The following NYAP2 variants were observed in gnomAD, a reference collection of about 807,000 sequenced individuals.
NYAP2 encodes the protein neuronal tyrosine-phosphorylated phosphoinositide-3-kinase adaptor 2, also known as neuronal tyrosine-phosphorylated phosphoinositide-3-kinase adapter 2.
Under a neutral mutation model 50.4 loss-of-function variants are expected in NYAP2, and 23 were observed. The observed-to-expected ratio is 0.46, with a 90% CI of 0.33 to 0.65. NYAP2 has a LOEUF of 0.65. NYAP2 is among the 30% of genes least tolerant of loss of function. The probability of loss-of-function intolerance (pLI) is 0.02; values close to 1 mark genes in which losing one functional copy is unlikely to be tolerated. For synonymous variants in NYAP2, 394 were observed against 365.2 expected (o/e 1.08, Z -0.90); for missense variants, 885 against 861.0 (o/e 1.03, Z -0.35).
the NYAP2 span, among the ~76,000 whole-genome samples, chr2:225,697,753 A>C: frequency 6.6e-6 from 1 of 151,996 alleles, no homozygotes; most frequent in Non-Finnish European, 1.5e-5. Flanking sequence ...AACTTTCAGA[A>C]CATATTGAAA....
exon 7 of NYAP2, chr2:225,652,888 A>G (rs1425676021): frequency 2.0e-5 from 3 of 152,252 alleles, no homozygotes; most frequent in African/African-American, 7.2e-5. Context: ...ATTTATAAAT[A>G]TATGAGGTAT....
rs187925106 is a variant in NYAP2 at position 225,474,923 on chromosome 2, T to A, written c.222-38448T>A. Among the ~76,000 whole-genome samples the A allele has an allele frequency of 2.4e-3, 358 of 152,324 alleles. 2 individuals are homozygous for A. Among genetic ancestry groups the A allele is most frequent in the African/African-American group, 8.1e-3 (338 of 41,584 alleles). ...TTCAAAACATCACCTGTTACAGAAG[T>A]TTGTTATTTTCTGAATATATGTACA... On this transcript the variant is annotated intron_variant, in intron 3 of 6. Coordinates refer to ENST00000636099, the Ensembl canonical transcript of NYAP2.
At chr2:225,650,625 C>T (rs980341948) in intron 6 of NYAP2, among the ~76,000 whole-genome samples, 3 of 152,200 alleles carry the variant, frequency 2.0e-5, no homozygotes, top group African/African-American at 7.2e-5. Flanking sequence ...CTGGAATGTA[C>T]TAGGCACTCA....
chr2:225,501,705 G>A (rs932344189), intron 3 of NYAP2, among the ~76,000 whole-genome samples: 1 of 152,124 alleles, frequency 6.6e-6, no homozygotes, highest in Admixed American at 6.5e-5. Context: ...TCCAATGAGA[G>A]CTTGAAAATG....
chr2:225,598,770 T>G (rs1036419268), intron 5 of NYAP2, among the ~76,000 whole-genome samples: 3 of 152,232 alleles, frequency 2.0e-5, no homozygotes, highest in African/African-American at 7.2e-5. Flanking sequence ...TTTCTCATTT[T>G]TCAAAATTAA....
At chr2:225,611,795 G>A (rs918966565) in intron 5 of NYAP2, among the ~76,000 whole-genome samples, 2 of 151,442 alleles carry the variant, frequency 1.3e-5, no homozygotes, top group Non-Finnish European at 2.9e-5. Context: ...CATTCAAAAT[G>A]TCTAGACAGA....
the NYAP2 span, among the ~76,000 whole-genome samples, chr2:225,684,812 A>G: frequency 6.6e-6 from 1 of 152,122 alleles, no homozygotes; most frequent in Admixed American, 6.5e-5. Flanking sequence ...CGGCCTCCCA[A>G]AGTGCTGGGA....
chr2:225,534,028 G>A (rs564514786), intron 4 of NYAP2, among the ~76,000 whole-genome samples: 6 of 152,094 alleles, frequency 3.9e-5, no homozygotes, highest in Admixed American at 2.6e-4. Context: ...TGGCTTGACA[G>A]GGAATACAAG....
chr2:225,466,727 C>T lies in NYAP2; in HGVS notation c.222-46644C>T, dbSNP rs145437869. Among the ~76,000 whole-genome samples, 23 of 152,310 alleles carry T rather than the reference C, an allele frequency of 1.5e-4. No individual in the cohort carries two copies. The East Asian group carries it at 4.4e-3, about 29-fold the overall frequency. ...AAGGTAAGTCAAGATGGTATCTAAACAATTCTGATCAGCCAGATATCTGGA... is the reference window on the plus strand; with the variant it reads ...AAGGTAAGTCAAGATGGTATCTAAATAATTCTGATCAGCCAGATATCTGGA... On this transcript the variant is annotated intron_variant, in intron 3 of 6. Coordinates refer to ENST00000636099, the Ensembl canonical transcript of NYAP2.
At chr2:225,675,778 T>C in the NYAP2 span, among the ~76,000 whole-genome samples, 1 of 152,132 alleles carries the variant, frequency 6.6e-6, no homozygotes, top group Non-Finnish European at 1.5e-5. Context: ...ATAAGCATTC[T>C]CTTTTCTCTG....
At chr2:225,600,139 G>A (rs1692669999) in intron 5 of NYAP2, among the ~76,000 whole-genome samples, 1 of 152,236 alleles carries the variant, frequency 6.6e-6, no homozygotes, top group Non-Finnish European at 1.5e-5. Flanking sequence ...CTTGGTGGGT[G>A]GTGGGCAGCC....
chr2:225,652,799 A>G (rs1693758463), exon 7 of NYAP2: 1 of 152,238 alleles, frequency 6.6e-6, no homozygotes, highest in African/African-American at 2.4e-5. Context: ...ATAACTAAGT[A>G]GAATAATTGC....
intron 6 of NYAP2, among the ~76,000 whole-genome samples, chr2:225,640,029 C>T (rs756477707): frequency 5.9e-5 from 9 of 152,104 alleles, no homozygotes; most frequent in Non-Finnish European, 1.0e-4. Flanking sequence ...ATCCATGACT[C>T]GGGTCTTACC....
intron 3 of NYAP2, among the ~76,000 whole-genome samples, chr2:225,414,625 A>G (rs373166263): frequency 6.6e-6 from 1 of 152,132 alleles, no homozygotes; most frequent in African/African-American, 2.4e-5. Flanking sequence ...CAACGAGAAC[A>G]GAGTCCGGCC....
intron 5 of NYAP2, among the ~76,000 whole-genome samples, chr2:225,619,659 A>G (rs1693055087): frequency 6.6e-6 from 1 of 152,200 alleles, no homozygotes; most frequent in African/African-American, 2.4e-5. Flanking sequence ...CCAGAGAGAC[A>G]GAAGTAGACC....
At position 225,582,940 on chromosome 2, in the gene NYAP2, C is replaced by T. The variant is rs1257184743; in HGVS notation, c.1523C>T (p.Thr508Met). The T allele has an allele frequency of 1.2e-6, 2 of 1,612,696 alleles. No individual in the cohort carries two copies. Among genetic ancestry groups the T allele is most frequent in the Non-Finnish European group, 1.7e-6 (2 of 1,179,772 alleles). ...GGTGGCTCCCGGTCCCGGACACCCA[C>T]GAGCCCGCTGGAGGAGCTGACCAGC... Residue 508 changes from threonine (T) to methionine (M), a missense_variant, in exon 5 of 7, where the codon ACG becomes ATG. Coordinates refer to ENST00000636099, the Ensembl canonical transcript of NYAP2. This position sits in a 1 kb window ranked among gnomAD's most constrained non-coding sequence, Gnocchi z 7.0.
At chr2:225,688,974 C>T in the NYAP2 span, among the ~76,000 whole-genome samples, 1 of 152,138 alleles carries the variant, frequency 6.6e-6, no homozygotes, top group Non-Finnish European at 1.5e-5. Flanking sequence ...AACTCCTGAC[C>T]TCAAGTGATC....
intron 4 of NYAP2, among the ~76,000 whole-genome samples, chr2:225,526,313 C>G (rs891064323): frequency 6.6e-6 from 1 of 152,150 alleles, no homozygotes; most frequent in African/African-American, 2.4e-5. Context: ...AGCAAAGCAC[C>G]TGGCTTAGTG....
intron 3 of NYAP2, among the ~76,000 whole-genome samples, chr2:225,511,322 T>C (rs946871344): frequency 5.7e-5 from 8 of 140,190 alleles, no homozygotes; most frequent in African/African-American, 2.0e-4. Flanking sequence ...ATTGCCGTTC[T>C]TTAAAACACA....
Sources: gnomAD v4.1 joint callset for allele counts (sites outside exome capture counted in the v4.1 genomes callset) on GRCh38, gnomAD v4.1.1 for gene constraint, Gnocchi (gnomAD v3.1) non-coding constraint, MANE v1.5 for transcripts, NCBI Gene and HGNC (gene_info 2026-07-23, HGNC 2026-07-21) for gene names.